The following CTNND2 variants were observed in gnomAD, a reference collection of about 807,000 sequenced individuals.
CTNND2 encodes catenin delta-2.
In CTNND2, 22 loss-of-function variants were observed where a neutral mutation model predicts 144.4. The ratio of observed to expected loss-of-function variants is 0.15; its 90% CI spans 0.11 to 0.22. The LOEUF is 0.22. Ranked by LOEUF, CTNND2 falls within the 10% of genes least tolerant of loss-of-function variation. The pLI, the probability that CTNND2 is intolerant of heterozygous loss-of-function variation, is 1.00. For missense variants in CTNND2, 1,353 were observed against 1,618.8 expected (o/e 0.84, Z 2.82); for synonymous variants, 751 against 695.6 (o/e 1.08, Z -1.25).
At chr5:11,506,915 T>C (rs1278637522) in intron 3 of CTNND2, among the ~76,000 whole-genome samples, 4 of 152,262 alleles carry the variant, frequency 2.6e-5, no homozygotes, top group Non-Finnish European at 4.4e-5. Flanking sequence ...GCTTTAGCGA[T>C]GCGACTGGTA....
chr5:11,343,810 G>A (rs1754496552), intron 9 of CTNND2, among the ~76,000 whole-genome samples: 1 of 152,130 alleles, frequency 6.6e-6, no homozygotes, highest in Non-Finnish European at 1.5e-5. Flanking sequence ...ATAAACATAT[G>A]TTTATAATGA....
At chr5:11,846,059 T>A (rs1258337986) in intron 1 of CTNND2, among the ~76,000 whole-genome samples, 1 of 152,110 alleles carries the variant, frequency 6.6e-6, no homozygotes, top group African/African-American at 2.4e-5. Flanking sequence ...TAGAGAATAA[T>A]TATTCCAAAT....
At chr5:11,554,271 C>T (rs1397103327) in intron 3 of CTNND2, among the ~76,000 whole-genome samples, 1 of 152,090 alleles carries the variant, frequency 6.6e-6, no homozygotes, top group African/African-American at 2.4e-5. Context: ...CAACTATAAT[C>T]ACTGCAGTGT....
intron 9 of CTNND2, among the ~76,000 whole-genome samples, chr5:11,293,199 T>A (rs947097458): frequency 6.6e-6 from 1 of 152,136 alleles, no homozygotes; most frequent in African/African-American, 2.4e-5. Context: ...AAAACATCTG[T>A]GATTAGAAAG....
intron 3 of CTNND2, among the ~76,000 whole-genome samples, chr5:11,472,972 G>A (rs1767368941): frequency 6.6e-6 from 1 of 152,144 alleles, no homozygotes; most frequent in African/African-American, 2.4e-5. Context: ...TCAGGAGTCT[G>A]AGGCAAGAGA....
At chr5:11,761,278 T>C (rs1405759535) in intron 1 of CTNND2, among the ~76,000 whole-genome samples, 1 of 151,470 alleles carries the variant, frequency 6.6e-6, no homozygotes, top group East Asian at 1.9e-4. Flanking sequence ...TGAATTTCAA[T>C]TTAGAATAAC....
intron 12 of CTNND2, among the ~76,000 whole-genome samples, chr5:11,153,685 C>T (rs997992479): frequency 6.6e-5 from 10 of 151,950 alleles, no homozygotes; most frequent in South Asian, 2.1e-4. Flanking sequence ...GATACTTTGA[C>T]GGGCTTAATA....
At chr5:11,162,793 C>T (rs1314680603) in intron 11 of CTNND2, among the ~76,000 whole-genome samples, 1 of 151,776 alleles carries the variant, frequency 6.6e-6, no homozygotes, top group African/African-American at 2.4e-5. Context: ...AGCATAGAAG[C>T]AGCAGTTTCT....
chr5:11,649,720 C>A (rs189731612), intron 2 of CTNND2, among the ~76,000 whole-genome samples: 3 of 152,014 alleles, frequency 2.0e-5, no homozygotes, highest in Admixed American at 6.6e-5. Flanking sequence ...TTCAATATTG[C>A]GGTTACTGTT....
At chr5:11,337,349 C>T (rs1753830700) in intron 9 of CTNND2, among the ~76,000 whole-genome samples, 2 of 152,140 alleles carry the variant, frequency 1.3e-5, no homozygotes, top group African/African-American at 4.8e-5. Flanking sequence ...TTAATATTCA[C>T]TCTCCTTTTG....
chr5:11,223,588 G>T (rs1484305270), intron 10 of CTNND2, among the ~76,000 whole-genome samples: 1 of 152,174 alleles, frequency 6.6e-6, no homozygotes, highest in Admixed American at 6.5e-5. Flanking sequence ...TCTATCAAGA[G>T]CTGGGCCCTT....
In CTNND2 at chr5:11,811,139, TGC is replaced by T. The variant is rs1344143680; in HGVS notation, c.38-78869_38-78868del. 3.6e-4 allele frequency among the ~76,000 whole-genome samples: 55 copies of T among 152,202 alleles called. 1 individual carries two copies. In the East Asian group the frequency reaches 9.1e-3, roughly 25 times the overall value. ...CCAGTCACTCAGGGTCTGTGAAAGA[TGC>T]TGAGGAAACTGAGGCCTGATGGAAT... On this transcript the variant is annotated intron_variant, in intron 1 of 21. Transcript: ENST00000304623.
chr5:11,180,480 A>G (rs1346485369), intron 11 of CTNND2, among the ~76,000 whole-genome samples: 4 of 152,212 alleles, frequency 2.6e-5, no homozygotes, highest in African/African-American at 9.6e-5. Context: ...AAGAAACATA[A>G]TAGCGATTGG....
intron 1 of CTNND2, among the ~76,000 whole-genome samples, chr5:11,877,683 C>G (rs1391790225): frequency 2.7e-5 from 4 of 149,912 alleles, no homozygotes; most frequent in African/African-American, 9.8e-5. Flanking sequence ...AAAAAAATTT[C>G]CCACCTTCAA....
At chr5:11,738,681 C>T (rs184290641) in intron 1 of CTNND2, among the ~76,000 whole-genome samples, 628 of 152,290 alleles carry the variant, frequency 4.1e-3, no homozygotes, top group Non-Finnish European at 6.7e-3. Context: ...ACATGGTCAT[C>T]TTCAACAAAA....
chr5:11,084,833 C>T (rs2149639909), intron 15 of CTNND2, among the ~76,000 whole-genome samples: 1 of 152,192 alleles, frequency 6.6e-6, no homozygotes, highest in Admixed American at 6.5e-5. Context: ...AATAACCTGC[C>T]CACAGGAGAC....
At chr5:11,381,981 ACAAAAC>A (rs1758534839) in intron 7 of CTNND2, among the ~76,000 whole-genome samples, 1 of 91,480 alleles carries the variant, frequency 1.1e-5, no homozygotes, top group African/African-American at 3.8e-5. Context: ...AAACAAAAAA[ACAAAAC>A]AAAACAAAAC....
intron 1 of CTNND2, among the ~76,000 whole-genome samples, chr5:11,748,601 G>C (rs1457838311): frequency 6.6e-6 from 1 of 151,938 alleles, no homozygotes; most frequent in East Asian, 1.9e-4. Flanking sequence ...ACCCTGTCAA[G>C]CAAAATTTAT....
chr5:11,027,260 C>A (rs1742945634), intron 16 of CTNND2: 1 of 152,158 alleles, frequency 6.6e-6, no homozygotes, highest in Non-Finnish European at 1.5e-5. Flanking sequence ...ATTAGCATGG[C>A]CCCTGTGCAA....
Sources: gnomAD v4.1 joint callset for allele counts (sites outside exome capture counted in the v4.1 genomes callset) on GRCh38, gnomAD v4.1.1 for gene constraint, MANE v1.5 for transcripts, NCBI Gene and HGNC (gene_info 2026-07-23, HGNC 2026-07-21) for gene names.